Variants in CNOT1 observed in about 807,000 individuals in gnomAD.
CNOT1 encodes CCR4-NOT transcription complex subunit 1, also known as CCR4-associated factor 1.
A neutral mutation model predicts 273.8 loss-of-function variants in CNOT1; 15 were observed. That is an observed-to-expected ratio of 0.05 (90% confidence interval 0.04 to 0.08). CNOT1 has a LOEUF of 0.08. Ranked by LOEUF, CNOT1 falls within the 10% of genes least tolerant of loss-of-function variation. The probability of loss-of-function intolerance (pLI) is 1.00; values close to 1 mark genes in which losing one functional copy is unlikely to be tolerated. For synonymous variants in CNOT1, 1,022 were observed against 1,005.5 expected (o/e 1.02, Z -0.31); for missense variants, 1,644 against 2,912.2 (o/e 0.56, Z 10.02).
intron 22 of CNOT1, among the ~76,000 whole-genome samples, chr16:58,552,794 T>C (rs1246443320): frequency 6.6e-6 from 1 of 152,188 alleles, no homozygotes; most frequent in East Asian, 1.9e-4. Context: ...TAACCAACTT[T>C]CCTGTTCTAT....
chr16:58,609,978 C>G (rs754674022), intron 1 of CNOT1, among the ~76,000 whole-genome samples: 5 of 151,964 alleles, frequency 3.3e-5, no homozygotes, highest in Non-Finnish European at 7.4e-5. Context: ...AACTATACAC[C>G]ATGTACTCAC....
chr16:58,580,555 T>A (rs2041622484), intron 12 of CNOT1, 78 bp downstream of exon 12: 1 of 1,534,104 alleles, frequency 6.5e-7, no homozygotes, highest in East Asian at 2.3e-5. Flanking sequence ...GTTAACTATG[T>A]ACTTGGCTTA....
chr16:58,582,066 T>G (rs1216039688), intron 10 of CNOT1, among the ~76,000 whole-genome samples: 2 of 146,040 alleles, frequency 1.4e-5, no homozygotes, highest in Non-Finnish European at 3.0e-5. Context: ...TTGCCTGAGG[T>G]CAGGAGTTTG....
In CNOT1 at chr16:58,537,034, T is replaced by G; in HGVS notation, c.5601A>C (p.Ala1867=). Residue 1867 remains alanine, a synonymous_variant, in exon 39 of 49, where the codon GCA becomes GCC. Transcript: ENST00000317147. ...REWVNLYHSA[A]AGRDSTKAFS... ...AAGCTTTGGTACTGTCGCGGCCAGC[T>G]GCTGCTGAATGGTAGAGATTCACCC... The G allele has an allele frequency of 1.2e-6, 2 of 1,614,250 alleles. No individual in the cohort carries two copies. Among genetic ancestry groups the G allele is most frequent in the Non-Finnish European group, 1.7e-6 (2 of 1,180,052 alleles).
intron 1 of CNOT1, among the ~76,000 whole-genome samples, chr16:58,625,438 G>C (rs1323018871): frequency 6.6e-6 from 1 of 152,132 alleles, no homozygotes; most frequent in African/African-American, 2.4e-5. Flanking sequence ...CTTGAACCCA[G>C]GAGCCGGAGG....
intron 14 of CNOT1, 52 bp downstream of exon 14, chr16:58,576,410 CT>C: frequency 1.2e-6 from 2 of 1,609,564 alleles, no homozygotes; most frequent in East Asian, 2.2e-5. Flanking sequence ...CGCGCCCGGC[CT>C]TTTTTTCTCA....
intron 1 of CNOT1, among the ~76,000 whole-genome samples, chr16:58,615,735 A>G (rs2043051357): frequency 8.0e-6 from 1 of 125,256 alleles, no homozygotes; most frequent in South Asian, 2.3e-4. Flanking sequence ...GAAAGGAAAG[A>G]TAAGGTCACA....
intron 46 of CNOT1, 133 bp downstream of exon 46, chr16:58,525,046 T>C: frequency 1.3e-6 from 1 of 795,980 alleles, no homozygotes; most frequent in Non-Finnish European, 2.1e-6. Flanking sequence ...AATAATCAGC[T>C]AGACCTGTGA....
rs566206631 is a variant in CNOT1 at position 58,544,466 on chromosome 16, A to G, written c.4138-563T>C. Among the ~76,000 whole-genome samples the G allele has an allele frequency of 3.3e-5, 5 of 151,906 alleles. No individual in the cohort carries two copies. The South Asian group carries it at 1.0e-3, about 32-fold the overall frequency. On this transcript the variant is annotated intron_variant, in intron 30 of 48. Coordinates refer to ENST00000317147, the MANE Select transcript of CNOT1 (RefSeq NM_016284.5). ...TTGAATTAAAAAAAAAAAAAATTAA[A>G]CTAGCATATAATAGTGTTCACAACA... is the stretch of plus-strand genomic sequence containing the variant.
chr16:58,600,344 T>G (rs966120329), intron 1 of CNOT1, among the ~76,000 whole-genome samples: 1 of 152,056 alleles, frequency 6.6e-6, no homozygotes, highest in South Asian at 2.1e-4. Context: ...AAAAAGAAAA[T>G]ACTCATCCAA....
chr16:58,589,264 G>A (rs1262611095), intron 2 of CNOT1, among the ~76,000 whole-genome samples: 1 of 152,162 alleles, frequency 6.6e-6, no homozygotes, highest in Non-Finnish European at 1.5e-5. Context: ...TGTAATCCCA[G>A]CACTTTGGGA....
At chr16:58,597,881 G>C (rs551402443) in intron 2 of CNOT1, 1 of 308,596 alleles carries the variant, frequency 3.2e-6, no homozygotes, top group South Asian at 3.2e-5. Context: ...ACAGAAGTAG[G>C]TGGCAGCTGC....
intron 25 of CNOT1, among the ~76,000 whole-genome samples, chr16:58,548,347 A>G (rs2040328849): frequency 6.6e-6 from 1 of 152,072 alleles, no homozygotes; most frequent in Non-Finnish European, 1.5e-5. Flanking sequence ...GCACACATGT[A>G]TATACCCATC....
At chr16:58,552,719 T>C (rs1288386704) in intron 22 of CNOT1, among the ~76,000 whole-genome samples, 1 of 152,198 alleles carries the variant, frequency 6.6e-6, no homozygotes, top group Non-Finnish European at 1.5e-5. Context: ...CAAATTCTGA[T>C]CTTCCTGATT....
intron 16 of CNOT1, among the ~76,000 whole-genome samples, chr16:58,563,252 A>G (rs1465457347): frequency 6.6e-6 from 1 of 152,238 alleles, no homozygotes; most frequent in Admixed American, 6.5e-5. Flanking sequence ...GTTTAAATAT[A>G]TAAATACCAT....
chr16:58,576,634 A>C (rs777499561), intron 13 of CNOT1, 52 bp from the exon 14 acceptor site: 2 of 1,606,774 alleles, frequency 1.2e-6, no homozygotes, highest in South Asian at 2.2e-5. Flanking sequence ...ACTGTGATAG[A>C]TATTATTACA....
At chr16:58,540,130 A>G in intron 34 of CNOT1, 171 bp from the exon 35 acceptor site, 1 of 629,094 alleles carries the variant, frequency 1.6e-6, no homozygotes, top group South Asian at 2.4e-5. Context: ...CAGAATTAAT[A>G]CCATCAAGTG....
rs2040788511 is a variant in CNOT1 at position 58,560,325 on chromosome 16, T to C, written c.2017A>G (p.Met673Val). Reference protein sequence around the residue: ...SQELSETILTMVANCSNVMNK... With the variant: ...SQELSETILTVVANCSNVMNK... ...ATAACATTACTGCAATTGGCTACCA[T>C]GGTGAGGATAGTTTCTGATAGCTCC... The change falls in exon 17 of 49, where the codon ATG (methionine) becomes GTG (valine). Residue 673 changes from methionine (M) to valine (V), a missense_variant. Around this residue, in one of 13 missense-constraint regions of CNOT1, gnomAD observed 706 missense variants for 1,021.2 expected, o/e 0.69. Transcript: ENST00000317147. 1.2e-6 allele frequency: 2 copies of C among 1,613,992 alleles called. No individual in the cohort carries two copies. Among genetic ancestry groups the C allele is most frequent in the East Asian group, 2.2e-5 (1 of 44,884 alleles).
At position 58,578,715 on chromosome 16, in the gene CNOT1, T is replaced by C. The variant is rs2041555040; in HGVS notation, c.1568A>G (p.Tyr523Cys). The change falls in exon 13 of 49, where the codon TAT becomes TGT. Residue 523 changes from tyrosine to cysteine, a missense_variant. By Grantham distance (194) the Tyr-to-Cys change is radical. This residue lies in a region of CNOT1 where 706 missense variants were observed against 1,021.2 expected (regional missense o/e 0.69). Transcript: ENST00000317147. Reference sequence around the variant, plus strand: ...ACATCTTACCTGCCCATGCCATGCATAGTGCAAAATAATAGCTGAGTTAGG... The same window carrying C: ...ACATCTTACCTGCCCATGCCATGCACAGTGCAAAATAATAGCTGAGTTAGG... ...NHPNSAIILH[Y>C]AWHGQGQSPS... 11 of 1,614,010 alleles carry C rather than the reference T, an allele frequency of 6.8e-6. No homozygotes were observed. Among genetic ancestry groups the C allele is most frequent in the Admixed American group, 1.7e-5 (1 of 60,006 alleles).
Sources: allele counts gnomAD v4.1 joint callset (sites outside exome capture counted in the v4.1 genomes callset), GRCh38; gene constraint gnomAD v4.1.1; regional missense constraint gnomAD v4.1.1; transcripts MANE v1.5; gene names NCBI Gene and HGNC (gene_info 2026-07-23, HGNC 2026-07-21).